The following ATAD2B variants were observed in gnomAD, a reference collection of about 807,000 sequenced individuals.
ATAD2B encodes ATPase family AAA domain-containing protein 2B.
ATAD2B carries 40 observed loss-of-function variants against 167.6 expected under a neutral mutation model. The observed-to-expected ratio is 0.24, with a 90% CI of 0.19 to 0.31. ATAD2B has a LOEUF of 0.31. Among genes scored for constraint, ATAD2B ranks in the 10% least tolerant of loss-of-function variants. ATAD2B has a pLI of 1.00. For missense variants in ATAD2B, 1,242 were observed against 1,757.2 expected (o/e 0.71, Z 5.24); for synonymous variants, 579 against 596.5 (o/e 0.97, Z 0.43).
chr2:23,821,351 T>C (rs1687419431), intron 16 of ATAD2B, among the ~76,000 whole-genome samples: 1 of 152,180 alleles, frequency 6.6e-6, no homozygotes. Flanking sequence ...TTTTGGGACG[T>C]TTTGGTACAT....
chr2:23,838,410 A>G (rs573280212), intron 13 of ATAD2B, among the ~76,000 whole-genome samples: 52 of 152,280 alleles, frequency 3.4e-4, no homozygotes, highest in Non-Finnish European at 7.5e-4. Context: ...GGCCAGAAAC[A>G]GAATTACAAT....
intron 22 of ATAD2B, among the ~76,000 whole-genome samples, chr2:23,771,792 G>C (rs1490019287): frequency 1.3e-5 from 2 of 152,108 alleles, no homozygotes. Context: ...GCCTCAGATA[G>C]TTTTCTCACA....
intron 26 of ATAD2B, 104 bp from the exon 27 acceptor site, chr2:23,754,411 A>T: frequency 1.6e-6 from 2 of 1,255,738 alleles, no homozygotes; most frequent in South Asian, 2.9e-5. Context: ...GCGAGGATGT[A>T]ACAGTGAACA....
At chr2:23,715,374 C>T in the ATAD2B span, among the ~76,000 whole-genome samples, 1 of 152,084 alleles carries the variant, frequency 6.6e-6, no homozygotes, top group Non-Finnish European at 1.5e-5. Flanking sequence ...GAGATCGAGA[C>T]CATCCTGGCT....
intron 13 of ATAD2B, among the ~76,000 whole-genome samples, chr2:23,857,190 G>C (rs1573067394): frequency 6.6e-6 from 1 of 152,238 alleles, no homozygotes; most frequent in Admixed American, 6.5e-5. Flanking sequence ...AATGAACATG[G>C]TTGTATTCCA....
At position 23,752,579 on chromosome 2, in the gene ATAD2B, C is replaced by T. The variant is rs531192242; in HGVS notation, c.4336-492G>A. Among the ~76,000 whole-genome samples the T allele has an allele frequency of 3.3e-5, 5 of 151,928 alleles. No homozygotes were observed. The South Asian group carries it at 1.0e-3, about 32-fold the overall frequency. On this transcript the variant is annotated intron_variant, in intron 27 of 27. Coordinates refer to ENST00000238789, the MANE Select transcript of ATAD2B (RefSeq NM_017552.4). ...ACGTATTACTATCAGGTCCATTTTA[C>T]AGATAAAGAAACTGAGGCACAGAGG...
At chr2:23,781,377 T>C (rs113255193) in intron 22 of ATAD2B, among the ~76,000 whole-genome samples, 8,308 of 149,050 alleles carry the variant, frequency 0.056, 294 homozygotes, top group African/African-American at 0.11. Flanking sequence ...AATAAATAAA[T>C]AATCAGGCTG....
the ATAD2B span, among the ~76,000 whole-genome samples, chr2:23,683,896 G>A: frequency 6.6e-6 from 1 of 152,194 alleles, no homozygotes; most frequent in South Asian, 2.1e-4. Flanking sequence ...GGCTGTGAGT[G>A]TCTAACATAA....
chr2:23,690,851 A>G, the ATAD2B span: 6 of 152,286 alleles, frequency 3.9e-5, no homozygotes, highest in African/African-American at 7.2e-5. Flanking sequence ...AGATATAAAC[A>G]GATTTATATA....
chr2:23,868,578 T>C (rs921170808), intron 9 of ATAD2B, among the ~76,000 whole-genome samples: 1 of 152,186 alleles, frequency 6.6e-6, no homozygotes, highest in East Asian at 1.9e-4. Context: ...CCAACCTTTA[T>C]TATAATATTT....
Position 23,884,969 on chromosome 2 carries a change from T to C in ATAD2B, c.676-96A>G, listed in dbSNP as rs142105419. 1.5e-4 allele frequency: 81 copies of C among 541,370 alleles called. No homozygotes were observed. The East Asian group carries it at 2.3e-3, about 15-fold the overall frequency. The allele number at this position is 541,370 out of a possible 1,614,324, so 33.5% of individuals were successfully genotyped here. A position where few individuals can be genotyped will look rare whatever the true frequency, so the allele number is the denominator to read the frequency against. On this transcript the variant is annotated intron_variant, in intron 5 of 27. Coordinates refer to ENST00000238789, the MANE Select transcript of ATAD2B (RefSeq NM_017552.4). ...GGACATACCTGCTCAACAAAATTTA[T>C]TGAGCACCTATTTGCGTGCCATAGA...
In ATAD2B at chr2:23,751,746, A is replaced by G. The variant is rs1675376475; in HGVS notation, c.*300T>C. 5.1e-6 allele frequency: 2 copies of G among 390,130 alleles called. No individual in the cohort carries two copies. Among genetic ancestry groups the G allele is most frequent in the East Asian group, 5.5e-5 (1 of 18,078 alleles). 24.2% of individuals were successfully genotyped at this position (390,130 alleles called of 1,614,324 possible). On this transcript the variant is annotated 3_prime_UTR_variant, in exon 28 of 28. Transcript: ENST00000238789. ...GAGAGGAGTCTCCAAAAGAGAGTGC[A>G]CAAAAAGAGGAGCAGAAGCGAGAGC...
At chr2:23,905,940 TG>T (rs1355400723) in intron 1 of ATAD2B, among the ~76,000 whole-genome samples, 13 of 152,170 alleles carry the variant, frequency 8.5e-5, no homozygotes, top group Non-Finnish European at 1.5e-4. Context: ...TATTGGGGAA[TG>T]GGGTACAAAT....
intron 12 of ATAD2B, among the ~76,000 whole-genome samples, chr2:23,862,234 A>T (rs1573099085): frequency 6.6e-6 from 1 of 152,286 alleles, no homozygotes; most frequent in Non-Finnish European, 1.5e-5. Flanking sequence ...TACCAATTAC[A>T]AAGGACTTTC....
chr2:23,908,885 G>GA lies in ATAD2B; in HGVS notation c.217-12916dup, dbSNP rs754057659. Among the ~76,000 whole-genome samples the GA allele has an allele frequency of 3.8e-3, 528 of 138,806 alleles. 7 individuals are homozygous for GA. Among genetic ancestry groups the GA allele is most frequent in the Non-Finnish European group, 2.4e-3 (154 of 64,194 alleles). 91.1% of individuals were successfully genotyped at this position (138,806 alleles called of 152,430 possible). A position where few individuals can be genotyped will look rare whatever the true frequency, so the allele number is the denominator to read the frequency against. On this transcript the variant is annotated intron_variant, in intron 1 of 27. Coordinates refer to ENST00000238789, the MANE Select transcript of ATAD2B (RefSeq NM_017552.4). ...CATCATTCCCAGTAAACTATCGCAA[G>GA]AAAAAAAAAAACAAACACCGCATAT...
chr2:23,808,076 A>AGTAATTATATAT lies in ATAD2B; in HGVS notation c.2454+2228_2454+2239dup, dbSNP rs1491256782. 4.5e-3 allele frequency among the ~76,000 whole-genome samples: 606 copies of AGTAATTATATAT among 133,290 alleles called. 11 individuals carry two copies. The highest frequency in any genetic ancestry group is 0.015 in the African/African-American group (521 of 35,586). The allele number at this position is 133,290 out of a possible 152,430, so 87.4% of individuals were successfully genotyped here. On this transcript the variant is annotated intron_variant, in intron 18 of 27. Transcript: ENST00000238789. ...AAGTAACTATAAATTATAATATATA[A>AGTAATTATATAT]GTAATTATATATATAATTATATATA...
At chr2:23,733,139 T>C in the ATAD2B span, among the ~76,000 whole-genome samples, 1 of 152,166 alleles carries the variant, frequency 6.6e-6, no homozygotes, top group African/African-American at 2.4e-5. Flanking sequence ...ACATGCTCAG[T>C]TTTTTCACTT....
intron 1 of ATAD2B, among the ~76,000 whole-genome samples, chr2:23,906,340 CA>C (rs1177027841): frequency 2.1e-5 from 3 of 140,544 alleles, no homozygotes; most frequent in African/African-American, 2.6e-5. Context: ...GACTCCGTCT[CA>C]AAAAAAAAAG....
intron 13 of ATAD2B, among the ~76,000 whole-genome samples, chr2:23,849,158 C>A (rs759438072): frequency 2.7e-4 from 41 of 152,068 alleles, no homozygotes; most frequent in Non-Finnish European, 4.6e-4. Context: ...ATTGACTAAA[C>A]AGTCAAATTA....
Sources: allele counts gnomAD v4.1 joint callset (sites outside exome capture counted in the v4.1 genomes callset), GRCh38; gene constraint gnomAD v4.1.1; transcripts MANE v1.5; gene names NCBI Gene and HGNC (gene_info 2026-07-23, HGNC 2026-07-21).